Variants in NUP98 observed in about 807,000 individuals in gnomAD.
The protein encoded by NUP98 is nucleoporin 98 and 96 precursor.
A neutral mutation model predicts 191.9 loss-of-function variants in NUP98; 26 were observed. The observed-to-expected ratio is 0.14, with a 90% confidence interval of 0.10 to 0.19. The LOEUF (loss-of-function observed/expected upper bound fraction) is 0.19, where lower values mean the gene tolerates loss of function less well. Ranked by LOEUF, NUP98 falls within the 10% of genes least tolerant of loss-of-function variation. The pLI is 1.00. For missense variants in NUP98, 1,941 were observed against 2,178.8 expected (o/e 0.89, Z 2.17); for synonymous variants, 808 against 778.4 (o/e 1.04, Z -0.63).
chr11:3,707,749 A>AAAAAAAAAAAAAAAAAAAAAAAAAAAAC (rs2078903909), intron 20 of NUP98, among the ~76,000 whole-genome samples: 2 of 148,876 alleles, frequency 1.3e-5, no homozygotes, highest in African/African-American at 2.5e-5. Context: ...AAAAAAAAAA[A>AAAAAAAAAAAAAAAAAAAAAAAAAAAAC]AAAAATCCTG....
chr11:3,702,277 T>TGA (rs1164395824), intron 23 of NUP98, among the ~76,000 whole-genome samples, 186 bp downstream of exon 23: 1 of 86,518 alleles, frequency 1.2e-5, no homozygotes, highest in Non-Finnish European at 2.3e-5. Flanking sequence ...AGAGCAAAAC[T>TGA]GAGACACACA....
chr11:3,679,825 G>T (rs2134004002), intron 30 of NUP98, 117 bp from the exon 31 acceptor site: 1 of 968,470 alleles, frequency 1.0e-6, no homozygotes, highest in Non-Finnish European at 1.5e-6. Context: ...GACTTCAGAA[G>T]TAAAAGCACA....
Position 3,723,171 on chromosome 11 carries a change from T to A in NUP98, c.2132A>T (p.His711Leu). ...CTGAACCTGACCTGCTGGGTGCATA[T>A]GGTAAGAATTATTTTCTATTTCTTC... ...DREEIENNSYHMHPAGIILTK... is the reference protein window; with the variant it reads ...DREEIENNSYLMHPAGIILTK... Residue 711 changes from histidine (H) to leucine (L), a missense_variant, in exon 16 of 33, where the codon CAT becomes CTT. This residue lies in a region of NUP98 where 453 missense variants were observed against 438.2 expected (regional missense o/e 1.03). Coordinates refer to ENST00000324932, the MANE Select transcript of NUP98 (RefSeq NM_016320.5). The A allele has an allele frequency of 6.2e-7, 1 of 1,614,076 alleles. No homozygotes were observed. The highest frequency in any genetic ancestry group is 8.5e-7 in the Non-Finnish European group (1 of 1,179,954).
Position 3,676,544 on chromosome 11 carries a change from T to C in NUP98, c.5150A>G (p.Gln1717Arg). The C allele has an allele frequency of 1.2e-6, 2 of 1,614,178 alleles. No individual in the cohort carries two copies. The highest frequency in any genetic ancestry group is 1.7e-6 in the Non-Finnish European group (2 of 1,180,000). ...TSLCSRIEQI[Q>R]CYSAKDRLAQ... ...CAGGCGATCTTTAGCACTGTAACACTGAATCTGCTCTATCCGACTGCACAG... is the reference window on the plus strand; with the variant it reads ...CAGGCGATCTTTAGCACTGTAACACCGAATCTGCTCTATCCGACTGCACAG... Residue 1717 changes from glutamine (Q) to arginine (R), a missense_variant, in exon 32 of 33, where the codon CAG becomes CGG. Gln to Arg is a conservative substitution (Grantham distance 43). Coordinates refer to ENST00000324932, the MANE Select transcript of NUP98 (RefSeq NM_016320.5).
At chr11:3,770,516 T>C (rs745330456) in intron 7 of NUP98, among the ~76,000 whole-genome samples, 5 of 150,784 alleles carry the variant, frequency 3.3e-5, no homozygotes, top group Non-Finnish European at 7.4e-5. Context: ...AAAGAAAAAG[T>C]AGGTTAAATA....
At chr11:3,693,130 G>A (rs928612421) in intron 27 of NUP98, 102 bp downstream of exon 27, 8 of 1,130,070 alleles carry the variant, frequency 7.1e-6, no homozygotes, top group South Asian at 1.4e-5. Context: ...CCAGAGGAAG[G>A]AGTAAAGGAT....
chr11:3,756,079 A>G (rs560189833), intron 10 of NUP98, among the ~76,000 whole-genome samples: 29 of 152,342 alleles, frequency 1.9e-4, no homozygotes, highest in Admixed American at 1.7e-3. Context: ...TATGCCACAA[A>G]AATGGGGTGC....
At chr11:3,786,216 A>C (rs1479440840) in intron 1 of NUP98, among the ~76,000 whole-genome samples, 1 of 152,202 alleles carries the variant, frequency 6.6e-6, no homozygotes, top group Non-Finnish European at 1.5e-5. Context: ...TTGCCAATTA[A>C]AGGAAAATGA....
intron 24 of NUP98, among the ~76,000 whole-genome samples, chr11:3,700,268 CAAA>C (rs35824298): frequency 6.4e-5 from 6 of 93,418 alleles, no homozygotes; most frequent in South Asian, 3.2e-4. Context: ...GACTCCGTCT[CAAA>C]AAAAAAAAAA....
chr11:3,783,373 G>A (rs1233401828), intron 1 of NUP98, among the ~76,000 whole-genome samples: 1 of 152,146 alleles, frequency 6.6e-6, no homozygotes, highest in Non-Finnish European at 1.5e-5. Flanking sequence ...AGGTGATAGG[G>A]TGAGACAATG....
At chr11:3,689,433 A>G (rs1217481813) in intron 28 of NUP98, among the ~76,000 whole-genome samples, 1 of 151,936 alleles carries the variant, frequency 6.6e-6, no homozygotes, top group Non-Finnish European at 1.5e-5. Flanking sequence ...AGGCTGAGGC[A>G]GGAGAATGGC....
intron 15 of NUP98, 62 bp from the exon 16 acceptor site, chr11:3,723,517 A>G: frequency 7.1e-7 from 1 of 1,403,174 alleles, no homozygotes; most frequent in Non-Finnish European, 9.9e-7. Flanking sequence ...GATAATAGCT[A>G]ACTAATACCG....
At chr11:3,764,301 A>G (rs1264408177) in intron 8 of NUP98, among the ~76,000 whole-genome samples, 1 of 152,228 alleles carries the variant, frequency 6.6e-6, no homozygotes, top group Non-Finnish European at 1.5e-5. Flanking sequence ...TTATGGTTGA[A>G]CAATATTCCA....
chr11:3,700,253 A>G (rs991336489), intron 24 of NUP98, among the ~76,000 whole-genome samples: 1 of 129,244 alleles, frequency 7.7e-6, no homozygotes, highest in East Asian at 2.3e-4. Flanking sequence ...ACAGTGACAG[A>G]GTGAGACTCC....
chr11:3,700,856 G>A lies in NUP98; in HGVS notation c.3513-17C>T. 1 of 1,559,682 alleles carries A rather than the reference G, an allele frequency of 6.4e-7. No homozygotes were observed. The highest frequency in any genetic ancestry group is 1.1e-5 in the South Asian group (1 of 88,190). On this transcript the variant is annotated splice_polypyrimidine_tract_variant and intron_variant, in intron 23 of 32. Transcript: ENST00000324932. ...TCAGTTAGGCTACAAGAGCAAATGAGGAATAGAATAGAAAATGAACCTAAG... is the reference window on the plus strand; with the variant it reads ...TCAGTTAGGCTACAAGAGCAAATGAAGAATAGAATAGAAAATGAACCTAAG...
intron 11 of NUP98, among the ~76,000 whole-genome samples, chr11:3,750,981 G>A (rs2134426848): frequency 6.6e-6 from 1 of 152,196 alleles, no homozygotes; most frequent in African/African-American, 2.4e-5. Flanking sequence ...GCTGATTGCA[G>A]GCAACTATAT....
At chr11:3,706,120 G>T (rs1297054842) in intron 21 of NUP98, among the ~76,000 whole-genome samples, 1 of 151,804 alleles carries the variant, frequency 6.6e-6, no homozygotes, top group African/African-American at 2.4e-5. Context: ...AGTGAACCAA[G>T]ATCACACCAC....
chr11:3,697,820 TAAAAAAAAAAAA>T (rs199874258), intron 25 of NUP98, among the ~76,000 whole-genome samples: 8,687 of 97,444 alleles, frequency 0.089, 346 homozygotes, highest in Middle Eastern at 0.19. Context: ...GACTCTGTCT[TAAAAAAAAAAAA>T]AAAAAAAAAA....
At chr11:3,750,233 C>T (rs2080693565) in intron 11 of NUP98, among the ~76,000 whole-genome samples, 1 of 152,196 alleles carries the variant, frequency 6.6e-6, no homozygotes, top group African/African-American at 2.4e-5. Flanking sequence ...GATTCTCCCA[C>T]CTCAGCCTCC....
Sources: gnomAD v4.1 joint callset for allele counts (sites outside exome capture counted in the v4.1 genomes callset) on GRCh38, gnomAD v4.1.1 for gene constraint, gnomAD v4.1.1 regional missense constraint, MANE v1.5 for transcripts, NCBI Gene and HGNC (gene_info 2026-07-23, HGNC 2026-07-21) for gene names.